NXN: variants seen among roughly 807,000 people sequenced by gnomAD.
NXN encodes nucleoredoxin.
Under a neutral mutation model 48.6 loss-of-function variants are expected in NXN, and 16 were observed. The observed-to-expected ratio is 0.33, with a 90% CI of 0.22 to 0.50. The LOEUF is 0.50. Ranked by LOEUF, NXN falls within the 20% of genes least tolerant of loss-of-function variation. The pLI is 0.98. For missense variants in NXN, 492 were observed against 605.5 expected, an observed-to-expected ratio of 0.81 and a Z score of 1.97; for synonymous variants, 281 against 269.6, an observed-to-expected ratio of 1.04 and a Z score of -0.41.
chr17:868,461 CTTTT>C (rs1198529441), intron 1 of NXN, among the ~76,000 whole-genome samples: 3 of 150,926 alleles, frequency 2.0e-5, no homozygotes, highest in East Asian at 1.9e-4. Flanking sequence ...ACTACCTTGT[CTTTT>C]TTTGTTTTTT....
chr17:805,479 T>C (rs1911443497), intron 5 of NXN, among the ~76,000 whole-genome samples: 1 of 152,166 alleles, frequency 6.6e-6, no homozygotes, highest in Non-Finnish European at 1.5e-5. Flanking sequence ...ACCTGTCACC[T>C]TCGCCTTTCA....
chr17:951,510 G>A (rs1464352366), intron 1 of NXN, among the ~76,000 whole-genome samples: 2 of 141,936 alleles, frequency 1.4e-5, no homozygotes, highest in African/African-American at 5.2e-5. Flanking sequence ...GACATGATGT[G>A]GTTAAAGCCA....
chr17:896,985 T>C, intron 1 of NXN: 1 of 1,164,876 alleles, frequency 8.6e-7, no homozygotes, highest in South Asian at 1.6e-5. Context: ...CCTAGGAAAG[T>C]CCCCGCGGCA....
Position 801,072 on chromosome 17 carries a change from G to A in NXN, c.1185C>T (p.Leu395=), listed in dbSNP as rs369887943. 18 of 1,579,218 alleles carry A rather than the reference G, an allele frequency of 1.1e-5. No individual in the cohort carries two copies. Among genetic ancestry groups the A allele is most frequent in the African/African-American group, 1.4e-5 (1 of 73,464 alleles). The change falls in exon 8 of 8, where the codon CTC becomes CTT. Residue 395 remains leucine (L), a synonymous_variant. Transcript: ENST00000336868. ...CCCGGGCTGACATGTCCAGGATGGT[G>A]AGCAAAGGGGCAGCCTCAGGCAGGT... is the stretch of plus-strand genomic sequence containing the variant. ...YTNLPEAAPL[L]TILDMSARAK...
chr17:955,681 G>A (rs1478687990), intron 1 of NXN, among the ~76,000 whole-genome samples: 1 of 150,638 alleles, frequency 6.6e-6, no homozygotes, highest in Non-Finnish European at 1.5e-5. Context: ...CGGATCACAA[G>A]GTCAGGAGAT....
At chr17:902,478 A>G (rs2068546474) in intron 1 of NXN, among the ~76,000 whole-genome samples, 1 of 152,158 alleles carries the variant, frequency 6.6e-6, no homozygotes. Flanking sequence ...GCGACACAAG[A>G]AAAGATGCTG....
chr17:919,149 G>C lies in NXN; in HGVS notation c.360+60170C>G, dbSNP rs530500128. Among the ~76,000 whole-genome samples the C allele has an allele frequency of 2.0e-5, 3 of 152,156 alleles. No individual in the cohort carries two copies. The South Asian group carries it at 6.2e-4, about 32-fold the overall frequency. ...TTGGGAGGCTGAGGGTGGATCACGA[G>C]GTCAGGAGATCGAGACCATCCTGGC... On this transcript the variant is annotated intron_variant, in intron 1 of 7. Transcript: ENST00000336868. This position sits in a 1 kb window ranked among gnomAD's most constrained non-coding sequence, Gnocchi z 5.1.
intron 1 of NXN, among the ~76,000 whole-genome samples, chr17:969,754 C>T (rs2069351012): frequency 6.6e-6 from 1 of 151,942 alleles, no homozygotes; most frequent in Non-Finnish European, 1.5e-5. Flanking sequence ...TTATCCCAGG[C>T]ATATTGACCA....
rs865840844 is a variant in NXN at position 821,233 on chromosome 17, G to A, written c.713+1124C>T. On this transcript the variant is annotated intron_variant, in intron 4 of 7. Transcript: ENST00000336868. ...GGCATCTCGGATCCTTTTGGGAACA[G>A]GAACATAAGCGGCAGAGGCCACTGG... Among the ~76,000 whole-genome samples the A allele has an allele frequency of 3.8e-5, 3 of 78,226 alleles. 1 individual carries two copies. The South Asian group carries it at 1.1e-3, about 30-fold the overall frequency. The allele number at this position is 78,226 out of a possible 152,430, so 51.3% of individuals were successfully genotyped here.
intron 5 of NXN, among the ~76,000 whole-genome samples, chr17:815,391 G>A (rs1348411675): frequency 6.6e-6 from 1 of 151,700 alleles, no homozygotes; most frequent in Non-Finnish European, 1.5e-5. Flanking sequence ...TCACAGTTCA[G>A]CTGACACCCA....
At chr17:966,478 G>A (rs1265677568) in intron 1 of NXN, among the ~76,000 whole-genome samples, 2 of 152,036 alleles carry the variant, frequency 1.3e-5, no homozygotes, top group African/African-American at 4.8e-5. Context: ...CTCCCGAGTA[G>A]TTGGGATTGC....
intron 1 of NXN, among the ~76,000 whole-genome samples, chr17:950,480 A>G (rs2069096635): frequency 6.6e-6 from 1 of 151,358 alleles, no homozygotes; most frequent in African/African-American, 2.4e-5. Context: ...CCGGGCCAGC[A>G]CAGTCATTTC....
intron 1 of NXN, among the ~76,000 whole-genome samples, chr17:906,487 C>T (rs2068582264): frequency 6.6e-6 from 1 of 151,984 alleles, no homozygotes; most frequent in African/African-American, 2.4e-5. Context: ...TGAAAAAATG[C>T]CAACACAACT....
chr17:938,347 AAC>A (rs910617721), intron 1 of NXN, among the ~76,000 whole-genome samples: 1 of 152,230 alleles, frequency 6.6e-6, no homozygotes, highest in Non-Finnish European at 1.5e-5. Context: ...GCTGGCCACA[AAC>A]ACAGCTCACA....
intron 1 of NXN, among the ~76,000 whole-genome samples, chr17:846,922 A>G (rs528192123): frequency 6.6e-6 from 1 of 152,302 alleles, no homozygotes; most frequent in African/African-American, 2.4e-5. Context: ...GATTATTTGA[A>G]GAGAAACCTC....
chr17:830,510 C>T lies in NXN; in HGVS notation c.361-4432G>A, dbSNP rs1286606513. Among the ~76,000 whole-genome samples the T allele has an allele frequency of 3.3e-5, 5 of 152,078 alleles. No individual in the cohort carries two copies. Among genetic ancestry groups the T allele is most frequent in the African/African-American group, 1.2e-4 (5 of 41,386 alleles). ...GAAATGGAACAAGCCACAGGCACGC[C>T]GCGGGAGGCCACCTGAGGCCCAAGA... On this transcript the variant is annotated intron_variant, in intron 1 of 7. Transcript: ENST00000336868. This position sits in a 1 kb window ranked among gnomAD's most constrained non-coding sequence, Gnocchi z 4.2.
chr17:896,991 C>A (rs931235909), intron 1 of NXN: 3 of 1,158,982 alleles, frequency 2.6e-6, no homozygotes, highest in Non-Finnish European at 3.2e-6. Context: ...AAAGTCCCCG[C>A]GGCAGATACA....
At chr17:842,098 T>C (rs1458300927) in intron 1 of NXN, among the ~76,000 whole-genome samples, 4 of 151,980 alleles carry the variant, frequency 2.6e-5, no homozygotes, top group African/African-American at 4.8e-5. Context: ...ATCCCGCCAT[T>C]GCACTCCAGC....
At chr17:863,670 CCA>C (rs2068064565) in intron 1 of NXN, among the ~76,000 whole-genome samples, 1 of 152,130 alleles carries the variant, frequency 6.6e-6, no homozygotes, top group East Asian at 1.9e-4. Flanking sequence ...TCTATGTTGC[CCA>C]CGCTGGTCTT....
Sources: allele counts gnomAD v4.1 joint callset (sites outside exome capture counted in the v4.1 genomes callset), GRCh38; gene constraint gnomAD v4.1.1; non-coding constraint Gnocchi (gnomAD v3.1); transcripts MANE v1.5; gene names NCBI Gene and HGNC (gene_info 2026-07-23, HGNC 2026-07-21).